GUCA1C: variants seen among roughly 807,000 people sequenced by gnomAD.
GUCA1C encodes guanylate cyclase activator 1C, also known as guanylyl cyclase-activating protein 3.
Under a neutral mutation model 16.2 loss-of-function variants are expected in GUCA1C, and 15 were observed. The observed-to-expected ratio is 0.93, with a 90% CI of 0.62 to 1.43. GUCA1C has a LOEUF of 1.43. Ranked by LOEUF, GUCA1C falls within the 40% of genes most tolerant of loss-of-function variation. The pLI is 0.00. For missense variants in GUCA1C, 275 were observed against 244.8 expected (o/e 1.12, Z -0.82); for synonymous variants, 78 against 85.4 (o/e 0.91, Z 0.48).
intron 1 of GUCA1C, among the ~76,000 whole-genome samples, chr3:108,948,690 C>T (rs1481117825): frequency 1.3e-5 from 2 of 152,038 alleles, no homozygotes; most frequent in African/African-American, 2.4e-5. Flanking sequence ...AAGCTCAATG[C>T]TATTTTGGTT....
chr3:108,953,858 T>C lies in GUCA1C; in HGVS notation c.-96A>G. On this transcript the variant is annotated 5_prime_UTR_variant, in exon 1 of 4. In the 5' UTR this introduces an upstream ATG that the reference lacks. Transcript: ENST00000261047. ...TCCTCACTAAAACTGAAGGCTAACA[T>C]ATGCCCTCAGAAAGCTACTCTAAAC... 3 of 790,924 alleles carry C rather than the reference T, an allele frequency of 3.8e-6. No individual in the cohort carries two copies. In the South Asian group the frequency reaches 4.6e-5, roughly 12 times the overall value. 49.0% of individuals were successfully genotyped at this position (790,924 alleles called of 1,614,324 possible).
intron 1 of GUCA1C, among the ~76,000 whole-genome samples, chr3:108,927,438 T>C (rs1946633092): frequency 6.6e-6 from 1 of 151,244 alleles, no homozygotes; most frequent in Non-Finnish European, 1.5e-5. Flanking sequence ...AATTCTTTTT[T>C]TTTTTTTTTT....
At chr3:108,939,151 G>A (rs183177883) in intron 1 of GUCA1C, among the ~76,000 whole-genome samples, 1 of 151,992 alleles carries the variant, frequency 6.6e-6, no homozygotes, top group African/African-American at 2.4e-5. Context: ...ATAAAACCCA[G>A]CTTCACCCTT....
At chr3:108,953,522 A>G in intron 1 of GUCA1C, 37 bp downstream of exon 1, 1 of 1,363,146 alleles carries the variant, frequency 7.3e-7, no homozygotes, top group Non-Finnish European at 1.0e-6. Context: ...GCAGAACCAC[A>G]GCATTTTCAA....
chr3:108,921,362 G>T (rs1416112871), intron 1 of GUCA1C, among the ~76,000 whole-genome samples: 1 of 152,022 alleles, frequency 6.6e-6, no homozygotes, highest in African/African-American at 2.4e-5. Flanking sequence ...AGGACATTTT[G>T]GTTGCTTCCA....
At chr3:108,916,446 G>C (rs1946516765) in intron 2 of GUCA1C, among the ~76,000 whole-genome samples, 1 of 152,160 alleles carries the variant, frequency 6.6e-6, no homozygotes, top group East Asian at 1.9e-4. Context: ...ACAGCATACA[G>C]GGATCCATTC....
intron 1 of GUCA1C, among the ~76,000 whole-genome samples, chr3:108,943,281 T>C (rs1946806496): frequency 6.6e-6 from 1 of 152,096 alleles, no homozygotes; most frequent in South Asian, 2.1e-4. Context: ...GGATGACAGA[T>C]AATAGAAACA....
chr3:108,908,863 A>G (rs1015677299), intron 3 of GUCA1C, among the ~76,000 whole-genome samples: 1 of 152,150 alleles, frequency 6.6e-6, no homozygotes, highest in Non-Finnish European at 1.5e-5. Context: ...TGACTTTCAA[A>G]CATTTTTGGG....
chr3:108,919,612 C>T (rs753589771), intron 2 of GUCA1C, among the ~76,000 whole-genome samples: 1 of 152,104 alleles, frequency 6.6e-6, no homozygotes, highest in Non-Finnish European at 1.5e-5. Context: ...ACATTTTTAT[C>T]TGCTTTGAAC....
At chr3:108,939,015 T>C (rs77865735) in intron 1 of GUCA1C, among the ~76,000 whole-genome samples, 2,902 of 152,264 alleles carry the variant, frequency 0.019, 85 homozygotes, top group African/African-American at 0.066. Flanking sequence ...CTGAATACTA[T>C]AGTTAATTAC....
intron 1 of GUCA1C, among the ~76,000 whole-genome samples, chr3:108,932,585 T>C (rs1036752837): frequency 6.6e-6 from 1 of 152,188 alleles, no homozygotes; most frequent in Non-Finnish European, 1.5e-5. Context: ...TGAAAAATTA[T>C]GACCCATATG....
chr3:108,913,940 C>A (rs1946482740), intron 3 of GUCA1C, among the ~76,000 whole-genome samples: 1 of 151,906 alleles, frequency 6.6e-6, no homozygotes, highest in Non-Finnish European at 1.5e-5. Flanking sequence ...GTGGGGGGAG[C>A]CTGTAGTCCC....
chr3:108,939,324 CTTTTTTTT>C (rs549981150), intron 1 of GUCA1C, among the ~76,000 whole-genome samples: 6 of 32,912 alleles, frequency 1.8e-4, no homozygotes, highest in Admixed American at 4.5e-4. Context: ...TGCTTCAAGG[CTTTTTTTT>C]TTTTTTTTTT....
chr3:108,910,708 G>GGC (rs1480112992), intron 3 of GUCA1C, among the ~76,000 whole-genome samples: 6 of 151,378 alleles, frequency 4.0e-5, no homozygotes, highest in African/African-American at 7.3e-5. Context: ...GGAGTGCAGT[G>GGC]GGGCTATCTC....
chr3:108,937,404 A>C (rs1946737072), intron 1 of GUCA1C, among the ~76,000 whole-genome samples: 1 of 152,076 alleles, frequency 6.6e-6, no homozygotes, highest in Non-Finnish European at 1.5e-5. Context: ...AGATACTAAA[A>C]TGTTATCTTA....
intron 3 of GUCA1C, among the ~76,000 whole-genome samples, chr3:108,914,218 G>A (rs1425147127): frequency 2.6e-5 from 4 of 152,028 alleles, no homozygotes; most frequent in Admixed American, 2.6e-4. Flanking sequence ...CTAACTTCAG[G>A]TAACCTCAGC....
chr3:108,949,444 C>G (rs1157898182), intron 1 of GUCA1C, among the ~76,000 whole-genome samples: 1 of 152,200 alleles, frequency 6.6e-6, no homozygotes, highest in African/African-American at 2.4e-5. Context: ...AGCCTGTAGA[C>G]AGAGGACTCT....
At position 108,920,592 on chromosome 3, in the gene GUCA1C, A is replaced by G. The variant is rs746160154; in HGVS notation, c.205-7T>C. On this transcript the variant is annotated splice_polypyrimidine_tract_variant and splice_region_variant and intron_variant, in intron 1 of 3. Coordinates refer to ENST00000261047, the MANE Select transcript of GUCA1C (RefSeq NM_005459.4). Reference sequence around the variant, plus strand: ...AAAAGTCAACAAATCCATCCTATGGAAAGTAAGATGAAAAGAGAAATAAAT... The same window carrying G: ...AAAAGTCAACAAATCCATCCTATGGGAAGTAAGATGAAAAGAGAAATAAAT... 1.4e-6 allele frequency: 2 copies of G among 1,414,886 alleles called. No individual in the cohort carries two copies. The highest frequency in any genetic ancestry group is 2.0e-6 in the Non-Finnish European group (2 of 1,006,398). The allele number at this position is 1,414,886 out of a possible 1,614,324, so 87.6% of individuals were successfully genotyped here. A position where few individuals can be genotyped will look rare whatever the true frequency, so the allele number is the denominator to read the frequency against.
At position 108,907,804 on chromosome 3, in the gene GUCA1C, A is replaced by G; in HGVS notation, c.*218T>C. 1 of 502,114 alleles carries G rather than the reference A, an allele frequency of 2.0e-6. No individual in the cohort carries two copies. The highest frequency in any genetic ancestry group is 3.5e-6 in the Non-Finnish European group (1 of 284,938). The allele number at this position is 502,114 out of a possible 1,614,324, so 31.1% of individuals were successfully genotyped here. On this transcript the variant is annotated 3_prime_UTR_variant, in exon 4 of 4. Transcript: ENST00000261047. ...ATGGAGACAATCCTTTAGTGTAATC[A>G]TTATGTTTTAATCTGCAGAGACAGC... is the stretch of plus-strand genomic sequence containing the variant.
Sources: allele counts gnomAD v4.1 joint callset (sites outside exome capture counted in the v4.1 genomes callset), GRCh38; gene constraint gnomAD v4.1.1; transcripts MANE v1.5; gene names NCBI Gene and HGNC (gene_info 2026-07-23, HGNC 2026-07-21).